MAPK8: variants seen among roughly 807,000 people sequenced by gnomAD.
MAPK8 encodes mitogen-activated protein kinase 8.
Under a neutral mutation model 52.9 loss-of-function variants are expected in MAPK8, and 13 were observed. That is an observed-to-expected ratio of 0.25 (90% confidence interval 0.16 to 0.39). The LOEUF (loss-of-function observed/expected upper bound fraction) is 0.39. MAPK8 is among the 10% of genes least tolerant of loss of function. MAPK8 has a pLI of 1.00. For synonymous variants in MAPK8, 191 were observed against 169.8 expected (o/e 1.12, Z -0.97); for missense variants, 300 against 519.2 (o/e 0.58, Z 4.10).
chr10:48,397,095 A>AC (rs1240351657), intron 1 of MAPK8, among the ~76,000 whole-genome samples: 1 of 152,058 alleles, frequency 6.6e-6, no homozygotes, highest in African/African-American at 2.4e-5. Flanking sequence ...CAAACTAGAA[A>AC]TTTTCCTCAG....
intron 1 of MAPK8, among the ~76,000 whole-genome samples, chr10:48,397,216 A>G (rs1409654737): frequency 2.6e-5 from 4 of 151,724 alleles, no homozygotes; most frequent in Admixed American, 6.6e-5. Context: ...TAGTGCTATC[A>G]TAGCTCACTG....
At chr10:48,316,554 G>A (rs1269667021) in intron 1 of MAPK8, among the ~76,000 whole-genome samples, 1 of 152,220 alleles carries the variant, frequency 6.6e-6, no homozygotes, top group Non-Finnish European at 1.5e-5. Context: ...AGAGCATGCA[G>A]TCAAAGTAGA....
Position 48,434,979 on chromosome 10 carries a change from A to G in MAPK8, c.1234A>G (p.Thr412Ala). 1 of 1,605,924 alleles carries G rather than the reference A, an allele frequency of 6.2e-7. No homozygotes were observed. Among genetic ancestry groups the G allele is most frequent in the Non-Finnish European group, 8.5e-7 (1 of 1,175,692 alleles). Residue 412 changes from threonine (T) to alanine (A), a missense_variant, in exon 12 of 12, where the codon ACA (threonine) becomes GCA (alanine). This residue lies in a region of MAPK8 where 119 missense variants were observed against 154.4 expected (regional missense o/e 0.77). Transcript: ENST00000374189. ...AACAGATCCGACTTTGGCCTCTGATACAGACAGCAGTCTAGAAGCAGCAGC... is the reference window on the plus strand; with the variant it reads ...AACAGATCCGACTTTGGCCTCTGATGCAGACAGCAGTCTAGAAGCAGCAGC... Reference protein sequence around the residue: ...MSTDPTLASDTDSSLEAAAGP... With the variant: ...MSTDPTLASDADSSLEAAAGP...
At chr10:48,346,173 T>C (rs1443097898) in intron 1 of MAPK8, among the ~76,000 whole-genome samples, 1 of 152,256 alleles carries the variant, frequency 6.6e-6, no homozygotes, top group Non-Finnish European at 1.5e-5. Flanking sequence ...GGACACGAGC[T>C]GTTCCAGTAT....
chr10:48,313,245 C>T (rs1203200599), intron 1 of MAPK8, among the ~76,000 whole-genome samples: 3 of 152,058 alleles, frequency 2.0e-5, no homozygotes, highest in Non-Finnish European at 4.4e-5. Flanking sequence ...CCAGCTTGGC[C>T]AACATAGTGA....
At chr10:48,404,396 T>A (rs1481182405) in intron 2 of MAPK8, among the ~76,000 whole-genome samples, 2 of 151,878 alleles carry the variant, frequency 1.3e-5, no homozygotes, top group Non-Finnish European at 2.9e-5. Context: ...GACCTCATGA[T>A]CCACCCACCT....
At chr10:48,430,829 C>T (rs2044164761) in intron 10 of MAPK8, 2 of 237,008 alleles carry the variant, frequency 8.4e-6, no homozygotes, top group South Asian at 6.3e-5. Context: ...CAGTAAGACA[C>T]GTGGTTCAAG....
chr10:48,390,866 GC>G (rs2041585760), intron 1 of MAPK8, among the ~76,000 whole-genome samples: 1 of 152,192 alleles, frequency 6.6e-6, no homozygotes, highest in African/African-American at 2.4e-5. Flanking sequence ...TCTGTGAAGA[GC>G]CTGTTTTGGA....
At chr10:48,415,452 A>C (rs531432379) in intron 5 of MAPK8, among the ~76,000 whole-genome samples, 18 of 152,334 alleles carry the variant, frequency 1.2e-4, no homozygotes, top group South Asian at 8.3e-4. Flanking sequence ...CAAAATTACA[A>C]AAGAGCAATA....
chr10:48,400,747 C>T (rs17697978), intron 1 of MAPK8, among the ~76,000 whole-genome samples: 9,423 of 152,088 alleles, frequency 0.062, 628 homozygotes, highest in Admixed American at 0.21. Flanking sequence ...ATTGAGGAGG[C>T]GAGGAATAGG....
intron 5 of MAPK8, chr10:48,410,388 C>T (rs1564598985): frequency 2.6e-6 from 1 of 379,100 alleles, no homozygotes; most frequent in Non-Finnish European, 4.7e-6. Flanking sequence ...AGTCTGCTTT[C>T]TGTGTCTATA....
intron 6 of MAPK8, among the ~76,000 whole-genome samples, chr10:48,422,257 C>T (rs903030257): frequency 3.3e-5 from 5 of 152,088 alleles, no homozygotes; most frequent in African/African-American, 9.7e-5. Flanking sequence ...GTCTTGAACT[C>T]CTGACCTTAG....
At chr10:48,420,079 TA>T in intron 5 of MAPK8, 75 bp from the exon 6 acceptor site, 1 of 1,049,690 alleles carries the variant, frequency 9.5e-7, no homozygotes, top group Admixed American at 2.1e-5. Flanking sequence ...TTGCAAGGGA[TA>T]GTATAACTTT....
rs565232528 is a variant in MAPK8, at chr10:48,307,358, C to T, written c.-50+537C>T. ...TTCTGGGCGAACGCAGGCAGCAGCG[C>T]TGAAAAGGGCCAGAGTGGCCTGCAG... On this transcript the variant is annotated intron_variant, in intron 1 of 11. Coordinates refer to ENST00000374189, the MANE Select transcript of MAPK8 (RefSeq NM_001323329.2). Among the ~76,000 whole-genome samples the T allele has an allele frequency of 3.3e-5, 5 of 152,316 alleles. No individual in the cohort carries two copies. In the South Asian group the frequency reaches 1.0e-3, roughly 32 times the overall value.
chr10:48,401,582 G>GT, intron 1 of MAPK8, 30 bp from the exon 2 acceptor site: 1 of 1,483,186 alleles, frequency 6.7e-7, no homozygotes, highest in Non-Finnish European at 9.3e-7. Flanking sequence ...AGTTCATTTT[G>GT]TTAACATCAT....
intron 1 of MAPK8, among the ~76,000 whole-genome samples, chr10:48,394,177 A>C (rs970204299): frequency 1.3e-5 from 2 of 151,974 alleles, no homozygotes; most frequent in African/African-American, 4.8e-5. Context: ...TCATCATAGA[A>C]GACTTCACTG....
rs538226438 is a variant in MAPK8 at position 48,397,469 on chromosome 10, A to G, written c.-49-4143A>G. ...CTACTACTAACCTATAACTTTTTAAATGAAAAAAATGATAGTGACAAAGAA... is the reference window on the plus strand; with the variant it reads ...CTACTACTAACCTATAACTTTTTAAGTGAAAAAAATGATAGTGACAAAGAA... On this transcript the variant is annotated intron_variant, in intron 1 of 11. Coordinates refer to ENST00000374189, the MANE Select transcript of MAPK8 (RefSeq NM_001323329.2). Among the ~76,000 whole-genome samples, 3 of 152,290 alleles carry G rather than the reference A, an allele frequency of 2.0e-5. No individual in the cohort carries two copies. The South Asian group carries it at 6.2e-4, about 32-fold the overall frequency.
intron 1 of MAPK8, among the ~76,000 whole-genome samples, chr10:48,352,008 C>G (rs143202618): frequency 6.6e-6 from 1 of 152,078 alleles, no homozygotes; most frequent in Admixed American, 6.6e-5. Context: ...GAAAAGGATA[C>G]TATTTTTAAA....
rs990258451 is a variant in MAPK8 at position 48,349,308 on chromosome 10, C to G, written c.-50+42487C>G. 4.8e-4 allele frequency among the ~76,000 whole-genome samples: 73 copies of G among 152,178 alleles called. 1 individual carries two copies. The highest frequency in any genetic ancestry group is 1.7e-3 in the African/African-American group (70 of 41,428). On this transcript the variant is annotated intron_variant, in intron 1 of 11. Coordinates refer to ENST00000374189, the MANE Select transcript of MAPK8 (RefSeq NM_001323329.2). ...ATCGATAGAACTCTCCACCCCAAAT[C>G]AACAGAATATACACTCTTCTCAGCA...
Sources: allele counts gnomAD v4.1 joint callset (sites outside exome capture counted in the v4.1 genomes callset), GRCh38; gene constraint gnomAD v4.1.1; regional missense constraint gnomAD v4.1.1; transcripts MANE v1.5; gene names NCBI Gene and HGNC (gene_info 2026-07-23, HGNC 2026-07-21).